The following WHRN variants were observed in gnomAD, a reference collection of about 807,000 sequenced individuals.
The protein encoded by WHRN is whirlin, also known as CASK-interacting protein CIP98.
In WHRN, 41 loss-of-function variants were observed where a neutral mutation model predicts 68.3. The ratio of observed to expected loss-of-function variants is 0.60; its 90% CI spans 0.47 to 0.78. WHRN has a LOEUF of 0.78. Ranked by LOEUF, WHRN falls within the 30% of genes least tolerant of loss-of-function variation. WHRN has a pLI of 0.00. For missense variants in WHRN, 1,243 were observed against 1,244.7 expected (o/e 1.00, Z 0.02); for synonymous variants, 560 against 561.3 (o/e 1.00, Z 0.03).
chr9:114,425,630 C>CACACACACACAG (rs752151116), intron 4 of WHRN: 187 of 232,670 alleles, frequency 8.0e-4, no homozygotes, highest in East Asian at 6.7e-3. Context: ...CACACACACA[C>CACACACACACAG]AGAGAGACAC....
At chr9:114,478,368 C>T (rs1431511098) in intron 2 of WHRN, 185 bp downstream of exon 2, 1 of 731,370 alleles carries the variant, frequency 1.4e-6, no homozygotes. Context: ...TGTATTATAA[C>T]ATACACTACA....
At chr9:114,446,304 A>G (rs1414881772) in intron 3 of WHRN, among the ~76,000 whole-genome samples, 1 of 152,098 alleles carries the variant, frequency 6.6e-6, no homozygotes. Context: ...ATCTAGAGAG[A>G]CAGAAAGCAG....
chr9:114,442,654 T>G (rs746774171), intron 3 of WHRN, among the ~76,000 whole-genome samples: 1 of 151,968 alleles, frequency 6.6e-6, no homozygotes, highest in Non-Finnish European at 1.5e-5. Flanking sequence ...TACCAGGAGA[T>G]CTAGTTGTCA....
intron 1 of WHRN, among the ~76,000 whole-genome samples, chr9:114,489,452 C>G (rs1379715287): frequency 2.1e-5 from 3 of 144,454 alleles, no homozygotes; most frequent in African/African-American, 7.6e-5. Context: ...ATCAAAGGCA[C>G]CACACACACA....
chr9:114,464,941 T>C (rs965311421), intron 3 of WHRN, among the ~76,000 whole-genome samples: 1 of 152,034 alleles, frequency 6.6e-6, no homozygotes, highest in Non-Finnish European at 1.5e-5. Flanking sequence ...CAGAAATTTA[T>C]GTCTCACAGT....
At position 114,424,318 on chromosome 9, in the gene WHRN, G is replaced by A. The variant is rs773402176; in HGVS notation, c.1416+16C>T. 3 of 1,612,072 alleles carry A rather than the reference G, an allele frequency of 1.9e-6. No homozygotes were observed. The highest frequency in any genetic ancestry group is 2.5e-6 in the Non-Finnish European group (3 of 1,179,876). On this transcript the variant is annotated intron_variant, in intron 6 of 11. Transcript: ENST00000362057. Reference sequence around the variant, plus strand: ...TGGAAATGCTGAAGCCAGTTGGGAGGCAGGGCACGGGTCACCTTGGCGTGG... The same window carrying A: ...TGGAAATGCTGAAGCCAGTTGGGAGACAGGGCACGGGTCACCTTGGCGTGG...
chr9:114,483,680 A>G (rs7865843), intron 1 of WHRN, among the ~76,000 whole-genome samples: 79,420 of 152,068 alleles, frequency 0.52, 21,123 homozygotes, highest in African/African-American at 0.62. Flanking sequence ...ACAGAGACCC[A>G]GCAGGTCCCT....
chr9:114,410,482 C>T (rs1178060861), intron 7 of WHRN, among the ~76,000 whole-genome samples: 3 of 152,200 alleles, frequency 2.0e-5, no homozygotes, highest in South Asian at 4.1e-4. Flanking sequence ...CAGGTCACTG[C>T]AGTGAGCAGT....
intron 1 of WHRN, among the ~76,000 whole-genome samples, chr9:114,492,920 G>A (rs1221870543): frequency 6.6e-6 from 1 of 152,220 alleles, no homozygotes; most frequent in Admixed American, 6.5e-5. Flanking sequence ...GGGAGGCTGA[G>A]GCAGGAGAAT....
intron 3 of WHRN, among the ~76,000 whole-genome samples, chr9:114,460,335 A>G (rs1488008839): frequency 6.6e-6 from 1 of 152,236 alleles, no homozygotes; most frequent in Non-Finnish European, 1.5e-5. Flanking sequence ...CATGTATTAA[A>G]TGATGTTATT....
chr9:114,418,594 A>G (rs949732122), intron 7 of WHRN, among the ~76,000 whole-genome samples: 45 of 152,216 alleles, frequency 3.0e-4, no homozygotes, highest in African/African-American at 1.0e-3. Flanking sequence ...TCAGAGTCAA[A>G]GTCCTCAGCA....
intron 1 of WHRN, among the ~76,000 whole-genome samples, chr9:114,493,457 C>A (rs532631694): frequency 8.2e-4 from 124 of 151,670 alleles, no homozygotes; most frequent in Admixed American, 2.0e-3. Context: ...TATGACCAAA[C>A]AAAATGCCCC....
intron 3 of WHRN, among the ~76,000 whole-genome samples, chr9:114,438,033 T>C (rs1838015770): frequency 6.6e-6 from 1 of 152,064 alleles, no homozygotes; most frequent in South Asian, 2.1e-4. Flanking sequence ...ATAAGAAAAT[T>C]GCCCAGCCTG....
chr9:114,464,597 A>T (rs1186538821), intron 3 of WHRN, among the ~76,000 whole-genome samples: 1 of 152,184 alleles, frequency 6.6e-6, no homozygotes, highest in East Asian at 1.9e-4. Context: ...GTGGGTAAGG[A>T]TTTCAATACA....
In WHRN at chr9:114,402,662, C is replaced by T; in HGVS notation, c.*92G>A. 1 of 1,539,136 alleles carries T rather than the reference C, an allele frequency of 6.5e-7. No homozygotes were observed. The highest frequency in any genetic ancestry group is 8.9e-7 in the Non-Finnish European group (1 of 1,119,958). On this transcript the variant is annotated 3_prime_UTR_variant, in exon 12 of 12. Coordinates refer to ENST00000362057, the MANE Select transcript of WHRN (RefSeq NM_015404.4). ...CTTCCTGCCACCCTGGCCATGCAGC[C>T]CCAACCCCGCAAGGAGCTTGATGAA... is the stretch of plus-strand genomic sequence containing the variant.
intron 1 of WHRN, among the ~76,000 whole-genome samples, chr9:114,499,807 T>A (rs903993163): frequency 2.6e-5 from 4 of 152,224 alleles, no homozygotes; most frequent in Non-Finnish European, 5.9e-5. Flanking sequence ...GAATCACACT[T>A]ATCTTTGCAG....
intron 7 of WHRN, among the ~76,000 whole-genome samples, chr9:114,417,507 C>T (rs1835900487): frequency 6.6e-6 from 1 of 152,246 alleles, no homozygotes; most frequent in South Asian, 2.1e-4. Flanking sequence ...TCTGGGCCTC[C>T]ATTTTGCACC....
In WHRN at chr9:114,469,122, C is replaced by G. The variant is rs559609692; in HGVS notation, c.838-2730G>C. Reference sequence around the variant, plus strand: ...TCCATTTGTGTAGAGTGCGTAGGGTCGTGGCTGGCACAGGGAAGCACTAGG... The same window carrying G: ...TCCATTTGTGTAGAGTGCGTAGGGTGGTGGCTGGCACAGGGAAGCACTAGG... On this transcript the variant is annotated intron_variant, in intron 2 of 11. Coordinates refer to ENST00000362057, the MANE Select transcript of WHRN (RefSeq NM_015404.4). 2.3e-4 allele frequency among the ~76,000 whole-genome samples: 35 copies of G among 152,108 alleles called. 1 individual carries two copies. The South Asian group carries it at 4.0e-3, about 17-fold the overall frequency.
Position 114,421,328 on chromosome 9 carries a change from C to T in WHRN, c.1626+1986G>A, listed in dbSNP as rs558206963. On this transcript the variant is annotated intron_variant, in intron 7 of 11. Transcript: ENST00000362057. ...AAGGTTGCTGTGGGCCAGTGCCGAG[C>T]TGGGGGCTCCTGACCCCTGCCCCAG... Among the ~76,000 whole-genome samples, 299 of 152,334 alleles carry T rather than the reference C, an allele frequency of 2.0e-3. 3 individuals are homozygous for T. In the Middle Eastern group the frequency reaches 0.037, roughly 19 times the overall value.
Sources: gnomAD v4.1 joint callset for allele counts (sites outside exome capture counted in the v4.1 genomes callset) on GRCh38, gnomAD v4.1.1 for gene constraint, MANE v1.5 for transcripts, NCBI Gene and HGNC (gene_info 2026-07-23, HGNC 2026-07-21) for gene names.